ADGRA3: variants seen among roughly 807,000 people sequenced by gnomAD.
ADGRA3 encodes the protein G-protein coupled receptor 125.
ADGRA3 carries 56 observed loss-of-function variants against 119.8 expected under a neutral mutation model. That is an observed-to-expected ratio of 0.47 (90% confidence interval 0.38 to 0.58). ADGRA3 has a LOEUF of 0.58. Ranked by LOEUF, ADGRA3 falls within the 20% of genes least tolerant of loss-of-function variation. ADGRA3 has a pLI of 0.00. For missense variants in ADGRA3, 1,516 were observed against 1,649.0 expected (o/e 0.92, Z 1.40); for synonymous variants, 607 against 623.8 (o/e 0.97, Z 0.40).
chr4:22,501,083 C>T (rs528668172), intron 1 of ADGRA3, among the ~76,000 whole-genome samples: 1 of 152,318 alleles, frequency 6.6e-6, no homozygotes, highest in East Asian at 1.9e-4. Flanking sequence ...AAACACATCA[C>T]CAGCTGTCCT....
At chr4:22,485,098 T>C (rs1308389238) in intron 1 of ADGRA3, among the ~76,000 whole-genome samples, 1 of 152,204 alleles carries the variant, frequency 6.6e-6, no homozygotes, top group Non-Finnish European at 1.5e-5. Context: ...ACTTTTTTTT[T>C]TGAGACAGGG....
chr4:22,425,614 T>C (rs114153009), intron 10 of ADGRA3, among the ~76,000 whole-genome samples: 93 of 152,232 alleles, frequency 6.1e-4, no homozygotes, highest in African/African-American at 2.1e-3. Context: ...TCTAATCAAG[T>C]AGTAAGCATT....
intron 14 of ADGRA3, among the ~76,000 whole-genome samples, chr4:22,407,951 A>C (rs1715009858): frequency 6.6e-6 from 1 of 152,194 alleles, no homozygotes; most frequent in Non-Finnish European, 1.5e-5. Flanking sequence ...ATATCAGGGC[A>C]TCCTGTGTGT....
intron 12 of ADGRA3, among the ~76,000 whole-genome samples, chr4:22,418,466 G>C (rs1715516412): frequency 6.6e-6 from 1 of 152,186 alleles, no homozygotes; most frequent in African/African-American, 2.4e-5. Context: ...GAGCTGGGAA[G>C]GGAGGGGAGG....
At chr4:22,454,180 T>A (rs1717163984) in intron 4 of ADGRA3, among the ~76,000 whole-genome samples, 1 of 152,088 alleles carries the variant, frequency 6.6e-6, no homozygotes, top group Admixed American at 6.6e-5. Flanking sequence ...TTTATTTTTT[T>A]AAAAAAGATA....
chr4:22,471,060 G>GAC (rs1717843442), intron 2 of ADGRA3, among the ~76,000 whole-genome samples: 1 of 152,146 alleles, frequency 6.6e-6, no homozygotes, highest in African/African-American at 2.4e-5. Context: ...TCATTTGGAA[G>GAC]ACATAGGAGA....
intron 1 of ADGRA3, among the ~76,000 whole-genome samples, chr4:22,482,373 C>G (rs1329753638): frequency 6.6e-6 from 1 of 151,966 alleles, no homozygotes; most frequent in Non-Finnish European, 1.5e-5. Flanking sequence ...CCCTGTGATA[C>G]AGCTGGGTTC....
chr4:22,445,947 T>C (rs59451600), intron 5 of ADGRA3, among the ~76,000 whole-genome samples: 1 of 152,356 alleles, frequency 6.6e-6, no homozygotes, highest in East Asian at 1.9e-4. Context: ...GCCACACATT[T>C]GCTAAGTCCA....
At chr4:22,420,857 G>A (rs773096971) in intron 12 of ADGRA3, 29 bp downstream of exon 12, 2 of 1,584,320 alleles carry the variant, frequency 1.3e-6, no homozygotes, top group East Asian at 4.5e-5. Flanking sequence ...ACTGTAAATA[G>A]TCTTAAATGA....
At chr4:22,507,595 G>C (rs764728094) in intron 1 of ADGRA3, among the ~76,000 whole-genome samples, 4 of 152,128 alleles carry the variant, frequency 2.6e-5, no homozygotes, top group Non-Finnish European at 4.4e-5. Context: ...TTTGTTTTGG[G>C]ACTTGGTATC....
chr4:22,504,682 C>A (rs78792549), intron 1 of ADGRA3, among the ~76,000 whole-genome samples: 3,324 of 151,872 alleles, frequency 0.022, 107 homozygotes, highest in African/African-American at 0.075. Flanking sequence ...TTGTACCAGC[C>A]CCTCCCTCTC....
chr4:22,445,214 G>C, intron 5 of ADGRA3, 81 bp from the exon 6 acceptor site: 1 of 1,256,830 alleles, frequency 8.0e-7, no homozygotes, highest in Non-Finnish European at 1.1e-6. Flanking sequence ...TTACATTTCT[G>C]GTGGCAAGCA....
chr4:22,464,032 G>A (rs1205592059), intron 2 of ADGRA3, among the ~76,000 whole-genome samples: 1 of 152,138 alleles, frequency 6.6e-6, no homozygotes, highest in East Asian at 1.9e-4. Context: ...CTCCTCAGTA[G>A]CTAAGGTTGG....
At chr4:22,461,464 T>C (rs559314353) in intron 3 of ADGRA3, among the ~76,000 whole-genome samples, 1 of 152,172 alleles carries the variant, frequency 6.6e-6, no homozygotes, top group Non-Finnish European at 1.5e-5. Flanking sequence ...CCATGCCAGC[T>C]CATTTTCGTA....
intron 4 of ADGRA3, 137 bp from the exon 5 acceptor site, chr4:22,447,648 G>C: frequency 2.0e-6 from 1 of 509,702 alleles, no homozygotes; most frequent in Non-Finnish European, 3.4e-6. Flanking sequence ...CTTATAAAGA[G>C]GGAGCGATTA....
At position 22,402,659 on chromosome 4, in the gene ADGRA3, G is replaced by T. The variant is rs770854020; in HGVS notation, c.2357+16C>A. On this transcript the variant is annotated intron_variant, in intron 15 of 18. Coordinates refer to ENST00000334304, the MANE Select transcript of ADGRA3 (RefSeq NM_145290.4). Reference sequence around the variant, plus strand: ...TCAAAGTCCGCAGATCTATTTTGTCGAGATGTATTTCTTACCTGTGATGGT... The same window carrying T: ...TCAAAGTCCGCAGATCTATTTTGTCTAGATGTATTTCTTACCTGTGATGGT... The T allele has an allele frequency of 1.2e-6, 2 of 1,605,354 alleles. No homozygotes were observed. The highest frequency in any genetic ancestry group is 4.5e-5 in the East Asian group (2 of 44,768).
intron 14 of ADGRA3, among the ~76,000 whole-genome samples, chr4:22,406,188 T>C (rs1474871757): frequency 5.3e-5 from 8 of 152,222 alleles, no homozygotes; most frequent in Non-Finnish European, 8.8e-5. Context: ...GGTGTATATA[T>C]ACCATATTTT....
intron 5 of ADGRA3, among the ~76,000 whole-genome samples, chr4:22,446,710 G>A (rs1174369818): frequency 6.6e-6 from 1 of 151,918 alleles, no homozygotes; most frequent in African/African-American, 2.4e-5. Flanking sequence ...AGAGGAATCA[G>A]GAGAGAAAAA....
chr4:22,499,421 G>A (rs1237879874), intron 1 of ADGRA3, among the ~76,000 whole-genome samples: 1 of 152,140 alleles, frequency 6.6e-6, no homozygotes, highest in Non-Finnish European at 1.5e-5. Flanking sequence ...CAAAACCAAT[G>A]CGAATCCCCA....
Sources: allele counts gnomAD v4.1 joint callset (sites outside exome capture counted in the v4.1 genomes callset), GRCh38; gene constraint gnomAD v4.1.1; transcripts MANE v1.5; gene names NCBI Gene and HGNC (gene_info 2026-07-23, HGNC 2026-07-21).